KCND2: variants seen among roughly 807,000 people sequenced by gnomAD.
KCND2 encodes the protein potassium voltage-gated channel subfamily D member 2.
In KCND2, 16 loss-of-function variants were observed where a neutral mutation model predicts 54.4. The observed-to-expected ratio is 0.29, with a 90% confidence interval of 0.20 to 0.45. The LOEUF (loss-of-function observed/expected upper bound fraction) is 0.45, where lower values mean the gene tolerates loss of function less well. Among genes scored for constraint, KCND2 ranks in the 20% least tolerant of loss-of-function variants. The pLI is 1.00. For synonymous variants in KCND2, 317 were observed against 310.7 expected (o/e 1.02, Z -0.21); for missense variants, 486 against 824.2 (o/e 0.59, Z 5.02).
intron 1 of KCND2, among the ~76,000 whole-genome samples, chr7:120,588,485 C>A (rs989703304): frequency 6.7e-6 from 1 of 150,252 alleles, no homozygotes; most frequent in Non-Finnish European, 1.5e-5. Flanking sequence ...GGATCAGAAT[C>A]TGAGATCACC....
intron 1 of KCND2, among the ~76,000 whole-genome samples, chr7:120,385,204 A>G (rs1249297892): frequency 6.6e-6 from 1 of 150,842 alleles, no homozygotes; most frequent in Non-Finnish European, 1.5e-5. Context: ...GGGTTTTATC[A>G]TGTTCAAGAA....
At chr7:120,313,304 TATC>T (rs1251543383) in intron 1 of KCND2, among the ~76,000 whole-genome samples, 3 of 152,200 alleles carry the variant, frequency 2.0e-5, no homozygotes, top group Non-Finnish European at 2.9e-5. Flanking sequence ...TTCATCTTAT[TATC>T]ATAATAGATA....
chr7:120,527,842 A>G (rs1389927395), intron 1 of KCND2, among the ~76,000 whole-genome samples: 1 of 152,142 alleles, frequency 6.6e-6, no homozygotes, highest in Non-Finnish European at 1.5e-5. Flanking sequence ...TGTTTATGAA[A>G]TGAATAAATG....
At chr7:120,734,328 A>G (rs1468897805) in intron 2 of KCND2, among the ~76,000 whole-genome samples, 1 of 152,128 alleles carries the variant, frequency 6.6e-6, no homozygotes, top group Non-Finnish European at 1.5e-5. Context: ...AAAATATGTA[A>G]GGAGGCAACT....
intron 1 of KCND2, among the ~76,000 whole-genome samples, chr7:120,583,999 A>G (rs552518163): frequency 6.6e-6 from 1 of 152,360 alleles, no homozygotes; most frequent in Non-Finnish European, 1.5e-5. Context: ...CAACACTGCC[A>G]TTTCAGTGAA....
chr7:120,396,238 A>G (rs888516698), intron 1 of KCND2, among the ~76,000 whole-genome samples: 25 of 152,032 alleles, frequency 1.6e-4, no homozygotes, highest in Non-Finnish European at 2.8e-4. Context: ...TGTTGGTCAA[A>G]TTAATTGTAA....
chr7:120,310,909 C>T (rs1799727012), intron 1 of KCND2, among the ~76,000 whole-genome samples: 1 of 144,388 alleles, frequency 6.9e-6, no homozygotes, highest in African/African-American at 2.6e-5. Context: ...GCACTCCAGC[C>T]TGGGCAACAG....
At chr7:120,559,276 C>A (rs73439873) in intron 1 of KCND2, among the ~76,000 whole-genome samples, 1,609 of 152,286 alleles carry the variant, frequency 0.011, 33 homozygotes, top group African/African-American at 0.037. Flanking sequence ...TTAACTACGA[C>A]CATTGATAAT....
At chr7:120,407,048 G>C (rs1801371030) in intron 1 of KCND2, among the ~76,000 whole-genome samples, 1 of 151,620 alleles carries the variant, frequency 6.6e-6, no homozygotes, top group Non-Finnish European at 1.5e-5. Flanking sequence ...ATATATTTGG[G>C]AAATTCTCAA....
chr7:120,371,691 AT>A (rs773686685), intron 1 of KCND2, among the ~76,000 whole-genome samples: 3 of 151,908 alleles, frequency 2.0e-5, no homozygotes, highest in Non-Finnish European at 4.4e-5. Context: ...TTTATGCTTT[AT>A]TTTTACTGCA....
At chr7:120,578,650 G>T (rs1792470943) in intron 1 of KCND2, among the ~76,000 whole-genome samples, 1 of 152,130 alleles carries the variant, frequency 6.6e-6, no homozygotes, top group African/African-American at 2.4e-5. Flanking sequence ...AAGATCACGA[G>T]GTCAGGAGTT....
At chr7:120,352,469 C>G (rs867209767) in intron 1 of KCND2, among the ~76,000 whole-genome samples, 1 of 141,052 alleles carries the variant, frequency 7.1e-6, no homozygotes, top group African/African-American at 2.5e-5. Flanking sequence ...TACACACACA[C>G]ACACACACAC....
chr7:120,421,554 G>A (rs1801623401), intron 1 of KCND2, among the ~76,000 whole-genome samples: 1 of 152,186 alleles, frequency 6.6e-6, no homozygotes, highest in Non-Finnish European at 1.5e-5. Flanking sequence ...CCGTGCTGTT[G>A]GATCACACTC....
intron 1 of KCND2, among the ~76,000 whole-genome samples, chr7:120,507,046 CTAGT>C (rs1385837643): frequency 1.3e-5 from 2 of 151,768 alleles, no homozygotes; most frequent in East Asian, 1.9e-4. Flanking sequence ...GATAAATTAA[CTAGT>C]TAATTTAGTC....
At chr7:120,397,842 ATAGAGT>A (rs1487607760) in intron 1 of KCND2, among the ~76,000 whole-genome samples, 4 of 151,512 alleles carry the variant, frequency 2.6e-5, no homozygotes, top group African/African-American at 7.3e-5. Context: ...TGTAGTAAAT[ATAGAGT>A]TAAACAATTT....
At chr7:120,617,615 A>G (rs1330375775) in intron 1 of KCND2, among the ~76,000 whole-genome samples, 2 of 152,166 alleles carry the variant, frequency 1.3e-5, no homozygotes, top group Non-Finnish European at 2.9e-5. Flanking sequence ...AAACAGAACT[A>G]CCATTCGATC....
At chr7:120,396,628 TAGAG>T (rs1801159187) in intron 1 of KCND2, among the ~76,000 whole-genome samples, 2 of 151,944 alleles carry the variant, frequency 1.3e-5, no homozygotes, top group South Asian at 2.1e-4. Context: ...CCATTTCAGT[TAGAG>T]AGGATAAGAT....
At chr7:120,414,349 A>G (rs1377289710) in intron 1 of KCND2, among the ~76,000 whole-genome samples, 3 of 152,182 alleles carry the variant, frequency 2.0e-5, no homozygotes, top group Non-Finnish European at 4.4e-5. Flanking sequence ...GTCAACTGTC[A>G]AAAAGTAATT....
chr7:120,371,117 T>C (rs1461511839), intron 1 of KCND2, among the ~76,000 whole-genome samples: 5 of 152,048 alleles, frequency 3.3e-5, no homozygotes, highest in Non-Finnish European at 7.4e-5. Flanking sequence ...TGCCACACCG[T>C]ACACTTCCTC....
Sources: allele counts gnomAD v4.1 joint callset (sites outside exome capture counted in the v4.1 genomes callset), GRCh38; gene constraint gnomAD v4.1.1; transcripts MANE v1.5; gene names NCBI Gene and HGNC (gene_info 2026-07-23, HGNC 2026-07-21).